DOCK4: variants seen among roughly 807,000 people sequenced by gnomAD.
DOCK4 encodes the protein dedicator of cytokinesis 4, also known as dedicator of cytokinesis protein 4.
In DOCK4, 97 loss-of-function variants were observed where a neutral mutation model predicts 268.1. That is an observed-to-expected ratio of 0.36 (90% CI 0.31 to 0.43). DOCK4 has a LOEUF of 0.43. Ranked by LOEUF, DOCK4 falls within the 20% of genes least tolerant of loss-of-function variation. DOCK4 has a pLI of 1.00. For synonymous variants in DOCK4, 954 were observed against 887.2 expected (o/e 1.08, Z -1.34); for missense variants, 2,145 against 2,455.7 (o/e 0.87, Z 2.67).
At chr7:112,117,711 G>A (rs1812313617) in intron 1 of DOCK4, among the ~76,000 whole-genome samples, 1 of 152,174 alleles carries the variant, frequency 6.6e-6, no homozygotes, top group Admixed American at 6.5e-5. Context: ...TAAAGTTTTT[G>A]GATGTTGCGT....
chr7:111,907,143 T>G (rs115921248), intron 13 of DOCK4, among the ~76,000 whole-genome samples: 2,724 of 133,862 alleles, frequency 0.02, 90 homozygotes, highest in African/African-American at 0.075. Flanking sequence ...TAACTAATAT[T>G]ATATCTCCAA....
At position 111,742,103 on chromosome 7, in the gene DOCK4, C is replaced by A. The variant is rs761133117; in HGVS notation, c.4707G>T (p.Val1569=). 6.3e-7 allele frequency: 1 copy of A among 1,599,186 alleles called. No homozygotes were observed. The highest frequency in any genetic ancestry group is 2.2e-5 in the East Asian group (1 of 44,486). Residue 1569 remains valine, a synonymous_variant, in exon 45 of 53, where the codon GTG becomes GTT. Coordinates refer to ENST00000428084, the MANE Select transcript of DOCK4 (RefSeq NM_001363540.2). ...QAQILEFGLA[V]HEKFVPQDMR... The stretch of plus-strand genomic sequence containing the variant: ...TATCTTGAGGTACAAACTTCTCATG[C>A]ACGGCCAAACCAAATTCCAGAATCT...
intron 1 of DOCK4, among the ~76,000 whole-genome samples, chr7:112,091,343 A>G (rs1809609622): frequency 6.6e-6 from 1 of 152,172 alleles, no homozygotes; most frequent in South Asian, 2.1e-4. Context: ...GATTGGGGGT[A>G]GGTCAGGCAG....
intron 52 of DOCK4, among the ~76,000 whole-genome samples, chr7:111,731,628 G>A (rs761216357): frequency 7.2e-5 from 11 of 152,100 alleles, no homozygotes; most frequent in Non-Finnish European, 1.3e-4. Context: ...AAACCAATTC[G>A]AATGTCTGAC....
chr7:111,753,014 G>GGGGGGGC (rs903284319), intron 42 of DOCK4, among the ~76,000 whole-genome samples: 1 of 137,190 alleles, frequency 7.3e-6, no homozygotes, highest in East Asian at 2.3e-4. Context: ...TTGGGGGGGG[G>GGGGGGGC]GTCTGTGATT....
In DOCK4 at chr7:111,849,404, A is replaced by G. The variant is rs144938013; in HGVS notation, c.2474-2278T>C. ...CAACCTCCCCAGTAGCTGGGACTAC[A>G]TGCACGTGCCATCACGCCCAGCTAG... On this transcript the variant is annotated intron_variant, in intron 23 of 52. Coordinates refer to ENST00000428084, the MANE Select transcript of DOCK4 (RefSeq NM_001363540.2). Among the ~76,000 whole-genome samples the G allele has an allele frequency of 3.9e-3, 586 of 151,984 alleles. 4 individuals carry two copies. The highest frequency in any genetic ancestry group is 0.022 in the South Asian group (105 of 4,816).
At chr7:111,740,280 G>C (rs1352039488) in intron 47 of DOCK4, 1 of 276,420 alleles carries the variant, frequency 3.6e-6, no homozygotes, top group South Asian at 2.8e-5. Flanking sequence ...TTGTATTTTT[G>C]ATAGAGACGG....
At chr7:112,061,045 T>G (rs370360119) in intron 1 of DOCK4, among the ~76,000 whole-genome samples, 61 of 152,314 alleles carry the variant, frequency 4.0e-4, no homozygotes, top group African/African-American at 1.3e-3. Context: ...TGTCCTACTG[T>G]TTTACTTTTA....
chr7:112,035,069 C>T (rs941161934), intron 1 of DOCK4, among the ~76,000 whole-genome samples: 4 of 152,172 alleles, frequency 2.6e-5, no homozygotes, highest in Admixed American at 1.3e-4. Context: ...CCCAGGACCC[C>T]TAACTGTACT....
At chr7:111,814,844 T>C (rs1801424021) in intron 27 of DOCK4, among the ~76,000 whole-genome samples, 1 of 152,178 alleles carries the variant, frequency 6.6e-6, no homozygotes, top group African/African-American at 2.4e-5. Context: ...TCAGGGACTT[T>C]CGAAAACATT....
chr7:111,898,187 G>C (rs1222359607), intron 15 of DOCK4, among the ~76,000 whole-genome samples: 1 of 152,130 alleles, frequency 6.6e-6, no homozygotes, highest in Non-Finnish European at 1.5e-5. Context: ...TACAAGATCT[G>C]GCACCTCTGC....
At chr7:111,778,221 G>C (rs938038307) in intron 36 of DOCK4, 55 bp downstream of exon 36, 19 of 1,241,840 alleles carry the variant, frequency 1.5e-5, no homozygotes, top group Non-Finnish European at 2.2e-5. Flanking sequence ...GCGGAGGAAT[G>C]ATCATGATTA....
chr7:112,157,119 C>A (rs1194271274), intron 1 of DOCK4, among the ~76,000 whole-genome samples: 3 of 151,972 alleles, frequency 2.0e-5, no homozygotes, highest in Admixed American at 1.3e-4. Flanking sequence ...GGAGGTGAGA[C>A]TCAAATTTTT....
chr7:111,780,421 T>C (rs1308030029), intron 35 of DOCK4, among the ~76,000 whole-genome samples: 1 of 152,192 alleles, frequency 6.6e-6, no homozygotes, highest in South Asian at 2.1e-4. Flanking sequence ...AACACAAGTC[T>C]AACAACTCCA....
chr7:111,760,781 T>A (rs2188796), intron 39 of DOCK4, among the ~76,000 whole-genome samples: 54,028 of 143,162 alleles, frequency 0.38, 10,337 homozygotes, highest in East Asian at 0.61. Flanking sequence ...TGTGTGTGTG[T>A]GTATTCTGCC....
chr7:111,892,264 G>A (rs1808346268), intron 16 of DOCK4, among the ~76,000 whole-genome samples: 1 of 152,154 alleles, frequency 6.6e-6, no homozygotes, highest in African/African-American at 2.4e-5. Context: ...GCAATGGCAT[G>A]ATCTCGGCTC....
intron 1 of DOCK4, among the ~76,000 whole-genome samples, chr7:112,030,605 T>C (rs907536813): frequency 6.6e-6 from 1 of 152,100 alleles, no homozygotes. Flanking sequence ...AGAAAAGTCT[T>C]AACAGACTCT....
chr7:111,739,316 A>T, intron 48 of DOCK4, 73 bp from the exon 49 acceptor site: 1 of 1,594,670 alleles, frequency 6.3e-7, no homozygotes, highest in African/African-American at 1.3e-5. Flanking sequence ...GAGAGCCTGA[A>T]CGTGTGGCAG....
At chr7:111,894,767 G>C (rs1808598174) in intron 16 of DOCK4, among the ~76,000 whole-genome samples, 1 of 152,192 alleles carries the variant, frequency 6.6e-6, no homozygotes, top group South Asian at 2.1e-4. Context: ...GTAGAAGGCT[G>C]GCATGCCCTG....
Sources: gnomAD v4.1 joint callset for allele counts (sites outside exome capture counted in the v4.1 genomes callset) on GRCh38, gnomAD v4.1.1 for gene constraint, MANE v1.5 for transcripts, NCBI Gene and HGNC (gene_info 2026-07-23, HGNC 2026-07-21) for gene names.